The following CELF2 variants were observed in gnomAD, a reference collection of about 807,000 sequenced individuals.
CELF2 encodes CUG triplet repeat RNA-binding protein 2.
In CELF2, 8 loss-of-function variants were observed where a neutral mutation model predicts 62.6. The ratio of observed to expected loss-of-function variants is 0.13; its 90% CI spans 0.07 to 0.23. The LOEUF is 0.23. Among genes scored for constraint, CELF2 ranks in the 10% least tolerant of loss-of-function variants. The pLI is 1.00. For missense variants in CELF2, 333 were observed against 671.0 expected (o/e 0.50, Z 5.56); for synonymous variants, 258 against 250.0 (o/e 1.03, Z -0.30).
chr10:11,166,339 G>A (rs1173457932), intron 2 of CELF2, among the ~76,000 whole-genome samples: 2 of 152,178 alleles, frequency 1.3e-5, no homozygotes, highest in African/African-American at 4.8e-5. Flanking sequence ...TGAAGGTATA[G>A]GATCTGGTAG....
intron 1 of CELF2, among the ~76,000 whole-genome samples, chr10:11,085,963 A>G (rs1248482125): frequency 6.6e-6 from 1 of 152,168 alleles, no homozygotes; most frequent in East Asian, 1.9e-4. Flanking sequence ...AAGCGACAGT[A>G]CCAATAACAA....
the CELF2 span, among the ~76,000 whole-genome samples, chr10:10,468,584 T>A: frequency 6.6e-6 from 1 of 152,152 alleles, no homozygotes; most frequent in East Asian, 1.9e-4. Context: ...TAGTCAGAAT[T>A]GTGTAAGGTG....
At chr10:10,681,848 T>G in the CELF2 span, among the ~76,000 whole-genome samples, 29 of 152,338 alleles carry the variant, frequency 1.9e-4, no homozygotes, top group African/African-American at 6.5e-4. Flanking sequence ...TTAACTCATA[T>G]AAAACCCATT....
At chr10:10,758,821 C>G in the CELF2 span, among the ~76,000 whole-genome samples, 2 of 152,142 alleles carry the variant, frequency 1.3e-5, no homozygotes, top group African/African-American at 2.4e-5. Context: ...AAAACAAATG[C>G]CTTTCTTTTT....
rs373116914 is a variant in CELF2 at position 11,167,987 on chromosome 10, C to T, written c.271+2305C>T. On this transcript the variant is annotated intron_variant, in intron 2 of 12. Transcript: ENST00000633077. ...TGTCTTCATGGACTACACCATTTTG[C>T]GTCTTCATGAGATGAGATGGCAGAG... Among the ~76,000 whole-genome samples the T allele has an allele frequency of 1.6e-3, 244 of 152,266 alleles. 3 individuals are homozygous for T. Among genetic ancestry groups the T allele is most frequent in the African/African-American group, 4.9e-3 (202 of 41,540 alleles).
chr10:11,056,903 G>C (rs2065371536), intron 1 of CELF2, among the ~76,000 whole-genome samples: 1 of 152,208 alleles, frequency 6.6e-6, no homozygotes, highest in African/African-American at 2.4e-5. Flanking sequence ...GCAGGGAAGG[G>C]CAAGGCCCAC....
chr10:10,781,369 A>T, the CELF2 span, among the ~76,000 whole-genome samples: 1 of 152,264 alleles, frequency 6.6e-6, no homozygotes, highest in Admixed American at 6.5e-5. Context: ...AAATAAAGAC[A>T]TACAGAAGAC....
At chr10:10,971,123 C>T (rs1317850334) in intron 2 of CELF2, among the ~76,000 whole-genome samples, 1 of 152,124 alleles carries the variant, frequency 6.6e-6, no homozygotes, top group Non-Finnish European at 1.5e-5. Flanking sequence ...GAGTGGCTTT[C>T]GTTCCCTGCC....
At chr10:11,032,108 T>G (rs1312632867) in intron 1 of CELF2, among the ~76,000 whole-genome samples, 1 of 136,952 alleles carries the variant, frequency 7.3e-6, no homozygotes, top group African/African-American at 2.7e-5. Flanking sequence ...TGGGACATTA[T>G]ATGTCTTTAC....
chr10:11,193,211 A>G (rs7084916), intron 2 of CELF2, among the ~76,000 whole-genome samples: 98,504 of 151,874 alleles, frequency 0.65, 32,483 homozygotes, highest in Non-Finnish European at 0.7. Flanking sequence ...CTCAGGCACC[A>G]TGAGGATCTG....
the CELF2 span, among the ~76,000 whole-genome samples, chr10:10,612,719 G>A: frequency 4.6e-5 from 7 of 151,996 alleles, no homozygotes; most frequent in East Asian, 1.9e-4. Context: ...GTATTCCTTC[G>A]GGAGCTCCTG....
chr10:10,628,888 G>A, the CELF2 span, among the ~76,000 whole-genome samples: 699 of 152,140 alleles, frequency 4.6e-3, 5 homozygotes, highest in African/African-American at 0.015. Context: ...TTATCAGGCC[G>A]CCTTCCCATC....
At chr10:10,971,136 C>A (rs2050709567) in intron 2 of CELF2, among the ~76,000 whole-genome samples, 1 of 152,208 alleles carries the variant, frequency 6.6e-6, no homozygotes, top group African/African-American at 2.4e-5. Flanking sequence ...TCCCTGCCTC[C>A]TTGTCATATC....
At chr10:10,625,063 G>A in the CELF2 span, among the ~76,000 whole-genome samples, 5 of 152,178 alleles carry the variant, frequency 3.3e-5, no homozygotes, top group Non-Finnish European at 7.3e-5. Flanking sequence ...GAAAAACTCA[G>A]TCTTCACACT....
the CELF2 span, among the ~76,000 whole-genome samples, chr10:10,694,722 A>T: frequency 6.6e-6 from 1 of 151,728 alleles, no homozygotes; most frequent in African/African-American, 2.4e-5. Context: ...TATATTTAGG[A>T]TAGTTAGCTC....
upstream of CELF2, among the ~76,000 whole-genome samples, chr10:10,796,345 C>T (rs140691925): frequency 1.2e-4 from 18 of 152,318 alleles, no homozygotes; most frequent in African/African-American, 3.6e-4. Context: ...TACACTTCAG[C>T]TACTACTGTA....
Position 11,046,546 on chromosome 10 carries a change from A to G in CELF2, c.74+28383A>G, listed in dbSNP as rs1480669902. ...TCCTGATTTCTTTTATGTCTTGGGCATGTGGGCTCAGTGCTAATTTTCATG... is the reference window on the plus strand; with the variant it reads ...TCCTGATTTCTTTTATGTCTTGGGCGTGTGGGCTCAGTGCTAATTTTCATG... On this transcript the variant is annotated intron_variant, in intron 1 of 12. Transcript: ENST00000633077. The surrounding 1 kb of genome is among the most constrained non-coding windows in gnomAD (Gnocchi z 4.6). Among the ~76,000 whole-genome samples, 1 of 152,236 alleles carries G rather than the reference A, an allele frequency of 6.6e-6. No homozygotes were observed. The highest frequency in any genetic ancestry group is 1.5e-5 in the Non-Finnish European group (1 of 68,036).
intron 2 of CELF2, among the ~76,000 whole-genome samples, chr10:10,966,113 G>A (rs1230842463): frequency 6.6e-6 from 1 of 152,234 alleles, no homozygotes; most frequent in Non-Finnish European, 1.5e-5. Context: ...AACAGGGATG[G>A]AGGAGATGGT....
chr10:11,070,991 G>T lies in CELF2; in HGVS notation c.74+52828G>T, dbSNP rs113662623. On this transcript the variant is annotated intron_variant, in intron 1 of 12. Coordinates refer to ENST00000633077, the MANE Select transcript of CELF2 (RefSeq NM_001326342.2). ...AAGAAAAGAAGGGGATAGTATAGAT[G>T]ACTATTTTGAGAAATTTGGCTATTT... Among the ~76,000 whole-genome samples, 301 of 152,272 alleles carry T rather than the reference G, an allele frequency of 2.0e-3. 1 individual carries two copies. The highest frequency in any genetic ancestry group is 6.7e-3 in the African/African-American group (277 of 41,548).
Sources: allele counts gnomAD v4.1 joint callset (sites outside exome capture counted in the v4.1 genomes callset), GRCh38; gene constraint gnomAD v4.1.1; non-coding constraint Gnocchi (gnomAD v3.1); transcripts MANE v1.5; gene names NCBI Gene and HGNC (gene_info 2026-07-23, HGNC 2026-07-21).